The following TBC1D5 variants were observed in gnomAD, a reference collection of about 807,000 sequenced individuals.
The protein encoded by TBC1D5 is TBC1 domain family member 5.
In TBC1D5, 75 loss-of-function variants were observed where a neutral mutation model predicts 100.3. The observed-to-expected ratio is 0.75, with a 90% CI of 0.62 to 0.91. TBC1D5 has a LOEUF of 0.91. Ranked by LOEUF, TBC1D5 falls within the 40% of genes least tolerant of loss-of-function variation. The pLI is 0.00. For synonymous variants in TBC1D5, 323 were observed against 325.6 expected (o/e 0.99, Z 0.09); for missense variants, 910 against 942.4 (o/e 0.97, Z 0.45).
intron 19 of TBC1D5, among the ~76,000 whole-genome samples, chr3:17,183,563 A>T (rs1235347540): frequency 6.6e-6 from 1 of 152,172 alleles, no homozygotes; most frequent in Non-Finnish European, 1.5e-5. Flanking sequence ...TACCCTATCA[A>T]TCATCTACCA....
At chr3:17,275,731 T>C (rs949004718) in intron 15 of TBC1D5, among the ~76,000 whole-genome samples, 1 of 151,486 alleles carries the variant, frequency 6.6e-6, no homozygotes, top group African/African-American at 2.4e-5. Context: ...CAGAGAAGAG[T>C]CAAAGAGGCA....
intron 3 of TBC1D5, among the ~76,000 whole-genome samples, chr3:17,466,816 T>A (rs1368354927): frequency 6.6e-6 from 1 of 152,080 alleles, no homozygotes; most frequent in East Asian, 1.9e-4. Context: ...TTATCAAACG[T>A]GACTCAAGTA....
intron 3 of TBC1D5, among the ~76,000 whole-genome samples, chr3:17,491,462 CTTA>C (rs1281924974): frequency 2.6e-5 from 4 of 151,960 alleles, no homozygotes; most frequent in Admixed American, 1.3e-4. Flanking sequence ...ATAAATGGCT[CTTA>C]TTATTTTGAA....
At chr3:17,266,878 A>C (rs2078900983) in intron 15 of TBC1D5, among the ~76,000 whole-genome samples, 1 of 152,112 alleles carries the variant, frequency 6.6e-6, no homozygotes, top group Admixed American at 6.5e-5. Context: ...TCATTTATGC[A>C]TCTATAGAGT....
chr3:17,332,516 C>T (rs1197251943), intron 13 of TBC1D5, among the ~76,000 whole-genome samples: 1 of 151,950 alleles, frequency 6.6e-6, no homozygotes, highest in Non-Finnish European at 1.5e-5. Context: ...GGAGATTATA[C>T]TAAAAAGCCA....
chr3:17,339,892 A>G (rs999773054), intron 13 of TBC1D5, among the ~76,000 whole-genome samples: 2 of 152,256 alleles, frequency 1.3e-5, no homozygotes, highest in African/African-American at 4.8e-5. Flanking sequence ...AAAAAGCTCA[A>G]TTAAGAAAAA....
At chr3:17,346,726 T>C (rs1411334469) in intron 13 of TBC1D5, among the ~76,000 whole-genome samples, 3 of 152,188 alleles carry the variant, frequency 2.0e-5, no homozygotes, top group Non-Finnish European at 2.9e-5. Flanking sequence ...GTTTAATTCT[T>C]ACATTATATG....
chr3:17,708,184 A>AAT (rs1186849036), intron 1 of TBC1D5, among the ~76,000 whole-genome samples: 1 of 152,192 alleles, frequency 6.6e-6, no homozygotes, highest in Admixed American at 6.5e-5. Flanking sequence ...TAAATAACAG[A>AAT]ATGTGTTTCA....
At chr3:17,650,722 T>C (rs1462759013) in intron 1 of TBC1D5, among the ~76,000 whole-genome samples, 3 of 152,222 alleles carry the variant, frequency 2.0e-5, no homozygotes, top group Non-Finnish European at 4.4e-5. Context: ...AATTTTATTC[T>C]TTTTCTGAGG....
chr3:17,357,069 C>T (rs2091283190), intron 13 of TBC1D5, among the ~76,000 whole-genome samples: 1 of 152,092 alleles, frequency 6.6e-6, no homozygotes, highest in East Asian at 1.9e-4. Context: ...CTTAAAAAAA[C>T]TCTTCCCATG....
At chr3:17,169,937 C>T (rs1254709780) in intron 19 of TBC1D5, among the ~76,000 whole-genome samples, 1 of 152,192 alleles carries the variant, frequency 6.6e-6, no homozygotes, top group African/African-American at 2.4e-5. Flanking sequence ...CTTGATCCCT[C>T]GCATGCACAG....
chr3:17,258,969 T>G (rs1037562981), intron 15 of TBC1D5, among the ~76,000 whole-genome samples: 1 of 152,140 alleles, frequency 6.6e-6, no homozygotes, highest in Non-Finnish European at 1.5e-5. Context: ...TCAAGGTAAC[T>G]GCATTTCGGG....
chr3:17,733,873 C>T (rs74886368), intron 1 of TBC1D5, among the ~76,000 whole-genome samples: 3,078 of 152,118 alleles, frequency 0.02, 45 homozygotes, highest in Non-Finnish European at 0.032. Flanking sequence ...CAAAAAGCGA[C>T]TGGTTACACA....
At chr3:17,374,602 T>C in intron 11 of TBC1D5, 27 bp downstream of exon 11, 1 of 1,610,068 alleles carries the variant, frequency 6.2e-7, no homozygotes. Context: ...TATAAAAAAA[T>C]AAAACAAAGA....
At chr3:17,658,421 C>G (rs766334955) in intron 1 of TBC1D5, among the ~76,000 whole-genome samples, 9 of 152,064 alleles carry the variant, frequency 5.9e-5, no homozygotes, top group Non-Finnish European at 1.0e-4. Context: ...TAGTTAACAG[C>G]TCAGCAGTCC....
intron 4 of TBC1D5, among the ~76,000 whole-genome samples, chr3:17,421,751 G>A (rs1413204531): frequency 1.3e-5 from 2 of 152,190 alleles, no homozygotes; most frequent in African/African-American, 4.8e-5. Flanking sequence ...AAGAATCAGA[G>A]AGGTTAATTA....
chr3:17,238,159 C>T lies in TBC1D5; in HGVS notation c.1588+4G>A. 2 of 1,606,638 alleles carry T rather than the reference C, an allele frequency of 1.2e-6. No homozygotes were observed. The highest frequency in any genetic ancestry group is 1.7e-5 in the Admixed American group (1 of 58,616). ...TCTTTAGATTTACTAGTATTTTTTCCTACCTTTGTTCAATTGCACAGGCAT... is the reference window on the plus strand; with the variant it reads ...TCTTTAGATTTACTAGTATTTTTTCTTACCTTTGTTCAATTGCACAGGCAT... On this transcript the variant is annotated splice_donor_region_variant and intron_variant, in intron 17 of 21. Coordinates refer to ENST00000253692, the Ensembl canonical transcript of TBC1D5.
intron 14 of TBC1D5, among the ~76,000 whole-genome samples, chr3:17,307,045 T>G (rs552130966): frequency 1.3e-5 from 2 of 152,280 alleles, no homozygotes; most frequent in South Asian, 4.1e-4. Flanking sequence ...TAAGTAATTT[T>G]GGGAAATTAA....
intron 1 of TBC1D5, among the ~76,000 whole-genome samples, chr3:17,708,958 T>C (rs2074430813): frequency 6.6e-6 from 1 of 152,210 alleles, no homozygotes; most frequent in African/African-American, 2.4e-5. Flanking sequence ...TAAGCAATTA[T>C]AAGATAAAAA....
Sources: allele counts gnomAD v4.1 joint callset (sites outside exome capture counted in the v4.1 genomes callset), GRCh38; gene constraint gnomAD v4.1.1; transcripts MANE v1.5; gene names NCBI Gene and HGNC (gene_info 2026-07-23, HGNC 2026-07-21).